Variants in PLCD1 observed in about 807,000 individuals in gnomAD.
PLCD1 encodes the protein phospholipase C delta 1.
PLCD1 carries 71 observed loss-of-function variants against 87.4 expected under a neutral mutation model. The observed-to-expected ratio is 0.81, with a 90% CI of 0.67 to 0.99. PLCD1 has a LOEUF of 0.99. Ranked by LOEUF, PLCD1 falls within the 50% of genes least tolerant of loss-of-function variation. PLCD1 has a pLI of 0.00. For missense variants in PLCD1, 867 were observed against 1,001.5 expected (o/e 0.87, Z 1.81); for synonymous variants, 348 against 399.2 (o/e 0.87, Z 1.53).
At position 38,010,415 on chromosome 3, in the gene PLCD1, G is replaced by A. The variant is rs779627334; in HGVS notation, c.938C>T (p.Thr313Ile). 2 of 1,614,232 alleles carry A rather than the reference G, an allele frequency of 1.2e-6. No individual in the cohort carries two copies. Among genetic ancestry groups the A allele is most frequent in the Non-Finnish European group, 1.7e-6 (2 of 1,180,036 alleles). Residue 313 changes from threonine to isoleucine, a missense_variant, in exon 6 of 15, where the codon ACC becomes ATC. Physicochemically the swap from Thr to Ile is moderately conservative, Grantham distance 89 (BLOSUM62 -1). Coordinates refer to ENST00000334661, the MANE Select transcript of PLCD1 (RefSeq NM_006225.4). Reference protein sequence around the residue: ...SHYLVSSSHNTYLLEDQLAGP... With the variant: ...SHYLVSSSHNIYLLEDQLAGP... ...GGCTAGCTGGTCCTCCAGCAGGTAG[G>A]TGTTGTGTGAAGAGGACACCAGGTA...
chr3:38,020,434 C>T (rs548648099), intron 1 of PLCD1, 82 bp from the exon 2 acceptor site: 35 of 1,366,292 alleles, frequency 2.6e-5, no homozygotes, highest in Admixed American at 6.7e-5. Context: ...ATGCCCACCT[C>T]GACCCTCTCA....
intron 1 of PLCD1, among the ~76,000 whole-genome samples, chr3:38,021,604 C>T (rs982089640): frequency 1.1e-4 from 16 of 152,310 alleles, no homozygotes; most frequent in Non-Finnish European, 1.8e-4. Context: ...TCTATAAGGG[C>T]GTATGTGTGC....
intron 1 of PLCD1, among the ~76,000 whole-genome samples, chr3:38,023,837 A>ACATTACACACCATCACCAT (rs1700268578): frequency 2.0e-5 from 3 of 151,100 alleles, no homozygotes; most frequent in Admixed American, 6.6e-5. Context: ...TTGTTTCACA[A>ACATTACACACCATCACCAT]CATTACACAC....
Position 38,021,496 on chromosome 3 carries a change from C to T in PLCD1, c.35-1144G>A, listed in dbSNP as rs140513953. On this transcript the variant is annotated intron_variant, in intron 1 of 14. Coordinates refer to ENST00000334661, the MANE Select transcript of PLCD1 (RefSeq NM_006225.4). ...GCCCAGACAGGAGGCACCAAAAGGACGCCAGAGCCTTCACCACCCAGCAGG... is the reference window on the plus strand; with the variant it reads ...GCCCAGACAGGAGGCACCAAAAGGATGCCAGAGCCTTCACCACCCAGCAGG... 3.5e-4 allele frequency among the ~76,000 whole-genome samples: 54 copies of T among 152,268 alleles called. 1 individual carries two copies. In the East Asian group the frequency reaches 9.5e-3, roughly 27 times the overall value.
Position 38,007,907 on chromosome 3 carries a change from C to T in PLCD1, c.2186-49G>A, listed in dbSNP as rs200417096. 2.3e-4 allele frequency: 370 copies of T among 1,607,338 alleles called. 5 individuals carry two copies. In the South Asian group the frequency reaches 3.6e-3, roughly 16 times the overall value. On this transcript the variant is annotated intron_variant, in intron 14 of 14. Transcript: ENST00000334661. ...GAACACAGAGAGAGTTCTGGTCATT[C>T]GGCGGCGGAGGGGGGGTGGATGCGT...
Position 38,009,645 on chromosome 3 carries a change from C to T in PLCD1, c.1446+8G>A, listed in dbSNP as rs755778844. ...CGGGCTGCCCCACCCCACAGCTCCC[C>T]CTCAAACCTTGGGCTTGTGCTGCAC... On this transcript the variant is annotated splice_region_variant and intron_variant, in intron 9 of 14. Coordinates refer to ENST00000334661, the MANE Select transcript of PLCD1 (RefSeq NM_006225.4). 2 of 1,613,936 alleles carry T rather than the reference C, an allele frequency of 1.2e-6. No homozygotes were observed. The highest frequency in any genetic ancestry group is 1.3e-5 in the African/African-American group (1 of 74,898).
chr3:38,011,089 C>A, intron 5 of PLCD1, 125 bp downstream of exon 5: 1 of 695,918 alleles, frequency 1.4e-6, no homozygotes, highest in South Asian at 1.9e-5. Context: ...GGAGCAGGGC[C>A]CCGGGGCTGG....
chr3:38,013,268 A>T (rs1314862523), intron 3 of PLCD1, among the ~76,000 whole-genome samples: 1 of 142,588 alleles, frequency 7.0e-6, no homozygotes, highest in African/African-American at 2.7e-5. Flanking sequence ...GCTGGAGTGC[A>T]GTGGCGCAAT....
Position 38,013,478 on chromosome 3 carries a change from G to C in PLCD1, c.429-1805C>G, listed in dbSNP as rs188350909. On this transcript the variant is annotated intron_variant, in intron 3 of 14. Coordinates refer to ENST00000334661, the MANE Select transcript of PLCD1 (RefSeq NM_006225.4). Reference sequence around the variant, plus strand: ...TCCACCTGCCTCGGCCTCCCAAAGTGCTGGGATTACAGGCGTGAGCCACTG... The same window carrying C: ...TCCACCTGCCTCGGCCTCCCAAAGTCCTGGGATTACAGGCGTGAGCCACTG... Among the ~76,000 whole-genome samples the C allele has an allele frequency of 4.6e-5, 7 of 152,310 alleles. No homozygotes were observed. In the East Asian group the frequency reaches 9.6e-4, roughly 21 times the overall value.
In PLCD1 at chr3:38,009,853, C is replaced by A. The variant is rs1169867171; in HGVS notation, c.1288-42G>T. 2.5e-6 allele frequency: 4 copies of A among 1,610,048 alleles called. No homozygotes were observed. In the East Asian group the frequency reaches 6.7e-5, roughly 27 times the overall value. Reference sequence around the variant, plus strand: ...AACTGGTCAAGACACACCTAGCGCCCCGGCTAGGCTCCCCACCCTCCCCCA... The same window carrying A: ...AACTGGTCAAGACACACCTAGCGCCACGGCTAGGCTCCCCACCCTCCCCCA... On this transcript the variant is annotated intron_variant, in intron 8 of 14. Transcript: ENST00000334661.
rs895521943 is a variant in PLCD1 at position 38,018,339 on chromosome 3, G to A, written c.200-1620C>T. 1.3e-5 allele frequency among the ~76,000 whole-genome samples: 2 copies of A among 152,018 alleles called. No homozygotes were observed. The highest frequency in any genetic ancestry group is 2.4e-5 in the African/African-American group (1 of 41,390). On this transcript the variant is annotated intron_variant, in intron 2 of 14. Coordinates refer to ENST00000334661, the MANE Select transcript of PLCD1 (RefSeq NM_006225.4). The surrounding 1 kb of genome is among the most constrained non-coding windows in gnomAD (Gnocchi z 5.7). ...CCCTCAGGCCTTGCTCCATACCTGC[G>A]CACACCTGGCTCCCTGACCCTGGAC... is the stretch of plus-strand genomic sequence containing the variant.
chr3:38,010,610 G>A (rs1455559909), intron 5 of PLCD1, 48 bp from the exon 6 acceptor site: 21 of 1,494,416 alleles, frequency 1.4e-5, no homozygotes, highest in Admixed American at 7.5e-5. Context: ...TCCAGCAGGC[G>A]CTCCTGGCTG....
intron 2 of PLCD1, 117 bp downstream of exon 2, chr3:38,020,071 C>T: frequency 2.1e-6 from 2 of 958,712 alleles, no homozygotes; most frequent in South Asian, 2.6e-5. Context: ...TATGCCCCAC[C>T]AGGCCAGGCC....
rs1447936151 is a variant in PLCD1 at position 38,017,266 on chromosome 3, CAGTT to C, written c.200-551_200-548del. Among the ~76,000 whole-genome samples, 3 of 152,148 alleles carry C rather than the reference CAGTT, an allele frequency of 2.0e-5. No homozygotes were observed. The highest frequency in any genetic ancestry group is 4.4e-5 in the Non-Finnish European group (3 of 67,996). ...ACATTCAAGAGACTGGAACCACCCT[CAGTT>C]AGCCCCAGCCCTGGGGTCTATGGGC... On this transcript the variant is annotated intron_variant, in intron 2 of 14. Transcript: ENST00000334661. This position sits in a 1 kb window ranked among gnomAD's most constrained non-coding sequence, Gnocchi z 4.7.
At chr3:38,016,355 C>G in intron 3 of PLCD1, 136 bp downstream of exon 3, 1 of 703,138 alleles carries the variant, frequency 1.4e-6, no homozygotes, top group Non-Finnish European at 2.6e-6. Context: ...ATAAATTATG[C>G]TGTTTAAGCC....
intron 2 of PLCD1, 149 bp from the exon 3 acceptor site, chr3:38,016,868 G>A: frequency 1.4e-6 from 1 of 707,642 alleles, no homozygotes; most frequent in Admixed American, 2.0e-5. Flanking sequence ...CAGAAGGAAA[G>A]GAGAGGGGCA....
chr3:38,024,271 G>T, intron 1 of PLCD1: 1 of 1,436,044 alleles, frequency 7.0e-7, no homozygotes, highest in Non-Finnish European at 9.7e-7. Flanking sequence ...GGGACAAGTG[G>T]TCGGCGTCCT....
At chr3:38,012,435 T>C (rs1700094213) in intron 3 of PLCD1, among the ~76,000 whole-genome samples, 1 of 152,078 alleles carries the variant, frequency 6.6e-6, no homozygotes, top group Non-Finnish European at 1.5e-5. Flanking sequence ...TTTTTTCACC[T>C]GGCTTTCTGT....
At chr3:38,022,983 C>A (rs1261202097) in intron 1 of PLCD1, among the ~76,000 whole-genome samples, 1 of 151,766 alleles carries the variant, frequency 6.6e-6, no homozygotes, top group African/African-American at 2.4e-5. Context: ...CTAAGAGCTT[C>A]TCCTCCTGTG....
Sources: allele counts gnomAD v4.1 joint callset (sites outside exome capture counted in the v4.1 genomes callset), GRCh38; gene constraint gnomAD v4.1.1; non-coding constraint Gnocchi (gnomAD v3.1); transcripts MANE v1.5; gene names NCBI Gene and HGNC (gene_info 2026-07-23, HGNC 2026-07-21).